The following PDE4DIP variants were observed in gnomAD, a reference collection of about 807,000 sequenced individuals.
PDE4DIP encodes the protein myomegalin.
PDE4DIP carries 59 observed loss-of-function variants against 221.4 expected under a neutral mutation model. The observed-to-expected ratio is 0.27, with a 90% CI of 0.22 to 0.33. The LOEUF is 0.33. Among genes scored for constraint, PDE4DIP ranks in the 10% least tolerant of loss-of-function variants. The pLI is 1.00. For missense variants in PDE4DIP, 1,036 were observed against 2,154.2 expected, an observed-to-expected ratio of 0.48 and a Z score of 10.28; for synonymous variants, 404 against 815.9, an observed-to-expected ratio of 0.50 and a Z score of 8.60.
chr1:149,022,491 C>T (rs1275457136), intron 37 of PDE4DIP, among the ~76,000 whole-genome samples: 1 of 152,352 alleles, frequency 6.6e-6, no homozygotes, highest in Admixed American at 6.5e-5. Context: ...TTAGAATTAT[C>T]ATAAATCCTG....
chr1:149,016,746 CTG>C (rs1408126614), intron 33 of PDE4DIP, among the ~76,000 whole-genome samples, 196 bp downstream of exon 36: 2 of 152,078 alleles, frequency 1.3e-5, no homozygotes, highest in African/African-American at 4.8e-5. Context: ...CCTCAGTGCT[CTG>C]TAGGGATATG....
At position 148,859,751 on chromosome 1, in the gene PDE4DIP, C is replaced by G. The variant is rs1310142964; in HGVS notation, c.234-3499C>G. Among the ~76,000 whole-genome samples the G allele has an allele frequency of 6.6e-5, 9 of 136,896 alleles. 1 individual carries two copies. The highest frequency in any genetic ancestry group is 2.6e-4 in the African/African-American group (9 of 34,260). 89.8% of individuals were successfully genotyped at this position (136,896 alleles called of 152,430 possible). On this transcript the variant is annotated intron_variant, in intron 1 of 45. Coordinates refer to the PDE4DIP transcript ENST00000524974. The stretch of plus-strand genomic sequence containing the variant: ...CAAGGATATAAAATTTTTTTCTGAA[C>G]TTGGGTAATACGAAAGAATGTACCA...
Position 148,968,765 on chromosome 1 carries a change from T to G in PDE4DIP, c.1786-71T>G. 3.9e-6 allele frequency: 3 copies of G among 771,630 alleles called. No homozygotes were observed. In the South Asian group the frequency reaches 5.0e-5, roughly 13 times the overall value. The allele number at this position is 771,630 out of a possible 1,614,324, so 47.8% of individuals were successfully genotyped here. A position where few individuals can be genotyped will look rare whatever the true frequency, so the allele number is the denominator to read the frequency against. On this transcript the variant is annotated intron_variant, in intron 13 of 43. Transcript: ENST00000369354. ...CACCTCCTTCTTCTATGATAGATTC[T>G]TATAAGCCCTTTGATATTTAGCAGA...
intron 21 of PDE4DIP, chr1:148,984,525 A>C (rs587595253): frequency 1.3e-5 from 2 of 152,100 alleles, no homozygotes; most frequent in Non-Finnish European, 2.9e-5. Context: ...GCCGATGTAC[A>C]TAAAAAAACC....
rs1553635877 is a variant in PDE4DIP, at chr1:149,030,354, G to A, written c.6999+76G>A. On this transcript the variant is annotated intron_variant, in intron 43 of 43. Transcript: ENST00000369354. ...TCACCATCCGTTAGCAGATCTTGTA[G>A]GTGACCCTTGGCCTGCTTTGGCCTT... 5.8e-6 allele frequency: 9 copies of A among 1,552,140 alleles called. No homozygotes were observed. In the East Asian group the frequency reaches 7.2e-5, roughly 12 times the overall value.
rs782268056 is a variant in PDE4DIP, at chr1:149,009,799, C to T, written c.4927+8C>T. ...CTTCTCCCAGTCACTCAGGTAGCCT[C>T]CACTTTCTGGGTGGTACCATCTTTG... On this transcript the variant is annotated splice_region_variant and intron_variant, in intron 30 of 43. Coordinates refer to ENST00000369354, the Ensembl canonical transcript of PDE4DIP. 7.0e-5 allele frequency: 109 copies of T among 1,549,574 alleles called. No homozygotes were observed. The highest frequency in any genetic ancestry group is 9.5e-5 in the Non-Finnish European group (106 of 1,121,290).
At chr1:149,002,635 A>C (rs1222872206) in intron 24 of PDE4DIP, among the ~76,000 whole-genome samples, 3 of 152,154 alleles carry the variant, frequency 2.0e-5, no homozygotes, top group Non-Finnish European at 4.4e-5. Context: ...TGTAGACTTG[A>C]TTGGTGCTGT....
intron 17 of PDE4DIP, 80 bp from the exon 21 acceptor site, chr1:148,977,857 T>C: frequency 1.3e-6 from 2 of 1,564,960 alleles, no homozygotes; most frequent in South Asian, 1.2e-5. Flanking sequence ...CATTACTGGC[T>C]GATAGTAATA....
At chr1:148,919,189 C>T (rs2044827913) in intron 1 of PDE4DIP, among the ~76,000 whole-genome samples, 1 of 146,430 alleles carries the variant, frequency 6.8e-6, no homozygotes, top group African/African-American at 2.6e-5. Flanking sequence ...AAACTTAATG[C>T]TTTGCATTTG....
exon 27 of PDE4DIP, chr1:149,005,098 A>G (rs782632729): frequency 6.2e-7 from 1 of 1,613,978 alleles, no homozygotes; most frequent in South Asian, 1.1e-5. Flanking sequence ...AAGGACATCA[A>G]AGATCTGAAG....
chr1:148,946,107 A>G lies in PDE4DIP; in HGVS notation c.636+8243A>G, dbSNP rs1402709132. ...ACTTTTCTCTCTCCTCTCTTCCCCA[A>G]TGGGACATCTGGCTCAATCTTTGCA... is the stretch of plus-strand genomic sequence containing the variant. On this transcript the variant is annotated intron_variant, in intron 5 of 43. Coordinates refer to ENST00000369354, the Ensembl canonical transcript of PDE4DIP. Among the ~76,000 whole-genome samples, 8 of 152,256 alleles carry G rather than the reference A, an allele frequency of 5.3e-5. No homozygotes were observed. In the East Asian group the frequency reaches 1.5e-3, roughly 29 times the overall value.
chr1:148,976,704 TAGAA>T (rs1356775658), intron 17 of PDE4DIP, among the ~76,000 whole-genome samples: 4 of 151,066 alleles, frequency 2.6e-5, no homozygotes, highest in African/African-American at 7.3e-5. Flanking sequence ...AGGGAAATGA[TAGAA>T]AGCAACATGG....
intron 5 of PDE4DIP, chr1:148,953,973 G>C (rs1219023124): frequency 1.1e-6 from 1 of 899,540 alleles, no homozygotes. Context: ...ACGTGATTTC[G>C]GTCTAGGTGG....
rs1238231792 is a variant in PDE4DIP at position 148,915,138 on chromosome 1, G to GTTTT, written c.142-14056_142-14055insTTTT. Among the ~76,000 whole-genome samples the GTTTT allele has an allele frequency of 7.4e-3, 772 of 104,256 alleles. 1 individual carries two copies. The highest frequency in any genetic ancestry group is 9.6e-3 in the African/African-American group (333 of 34,670). 68.4% of individuals were successfully genotyped at this position (104,256 alleles called of 152,430 possible). A position where few individuals can be genotyped will look rare whatever the true frequency, so the allele number is the denominator to read the frequency against. On this transcript the variant is annotated intron_variant, in intron 1 of 43. Coordinates refer to ENST00000369354, the Ensembl canonical transcript of PDE4DIP. Reference sequence around the variant, plus strand: ...GCCAGTGCTTTCTTCTGGTTTTTTTGTTTGTTTGTTTGTTTGTTTGTTTGT... The same window carrying GTTTT: ...GCCAGTGCTTTCTTCTGGTTTTTTTGTTTTTTTGTTTGTTTGTTTGTTTGTTTGT...
intron 21 of PDE4DIP, chr1:148,990,435 A>G (rs1486897495): frequency 2.8e-6 from 2 of 724,182 alleles, no homozygotes; most frequent in Non-Finnish European, 3.4e-6. Flanking sequence ...TCATGATTCA[A>G]GCAGAGCCTT....
intron 2 of PDE4DIP, among the ~76,000 whole-genome samples, chr1:148,864,680 G>A (rs1553405247): frequency 1.0e-5 from 1 of 98,210 alleles, no homozygotes; most frequent in East Asian, 2.3e-4. Flanking sequence ...CAAATTCCAA[G>A]GGTTACTGTG....
intron 37 of PDE4DIP, 84 bp downstream of exon 40, chr1:149,021,237 G>A: frequency 1.3e-6 from 1 of 742,672 alleles, no homozygotes; most frequent in Admixed American, 2.3e-5. Context: ...GAGTTGTGGA[G>A]ATCATGGGAA....
chr1:148,828,512 A>G (rs1414850253), intron 1 of PDE4DIP, among the ~76,000 whole-genome samples: 1 of 146,480 alleles, frequency 6.8e-6, no homozygotes, highest in Non-Finnish European at 1.5e-5. Context: ...GAATGCCTTG[A>G]AAGCTATTTA....
chr1:149,001,583 T>G lies in PDE4DIP; in HGVS notation c.3138-8T>G, dbSNP rs781847112. 6.9e-7 allele frequency: 1 copy of G among 1,442,702 alleles called. No individual in the cohort carries two copies. The highest frequency in any genetic ancestry group is 1.3e-5 in the South Asian group (1 of 74,940). 89.4% of individuals were successfully genotyped at this position (1,442,702 alleles called of 1,614,324 possible). A position where few individuals can be genotyped will look rare whatever the true frequency, so the allele number is the denominator to read the frequency against. ...GACCTAGCCCTCAATTAAGTGTGTT[T>G]CCTGCAGGAACACCATGCTGAGCCT... On this transcript the variant is annotated splice_polypyrimidine_tract_variant and splice_region_variant and intron_variant, in intron 23 of 43. Transcript: ENST00000369354.
Sources: gnomAD v4.1 joint callset for allele counts (sites outside exome capture counted in the v4.1 genomes callset) on GRCh38, gnomAD v4.1.1 for gene constraint, MANE v1.5 for transcripts, NCBI Gene and HGNC (gene_info 2026-07-23, HGNC 2026-07-21) for gene names.